ARHGEF18: variants seen among roughly 807,000 people sequenced by gnomAD.
ARHGEF18 encodes Rho/Rac guanine nucleotide exchange factor 18.
Under a neutral mutation model 155.7 loss-of-function variants are expected in ARHGEF18, and 93 were observed. That is an observed-to-expected ratio of 0.60 (90% CI 0.50 to 0.71). ARHGEF18 has a LOEUF of 0.71. Ranked by LOEUF, ARHGEF18 falls within the 30% of genes least tolerant of loss-of-function variation. ARHGEF18 has a pLI of 0.00. For missense variants in ARHGEF18, 1,593 were observed against 1,816.1 expected (o/e 0.88, Z 2.23); for synonymous variants, 742 against 753.1 (o/e 0.99, Z 0.24).
downstream of ARHGEF18, chr19:7,472,898 C>T (rs777464424): frequency 1.6e-5 from 7 of 444,156 alleles, no homozygotes; most frequent in Middle Eastern, 5.9e-4. Flanking sequence ...CATGGGGTTT[C>T]GCCATGTTGG....
downstream of ARHGEF18, chr19:7,477,318 G>C (rs1487210164): frequency 6.4e-7 from 1 of 1,560,616 alleles, no homozygotes; most frequent in African/African-American, 1.4e-5. Context: ...CCGGCCCACA[G>C]CACGCCCCGG....
At chr19:7,414,888 G>A (rs892345244) in intron 10 of ARHGEF18, among the ~76,000 whole-genome samples, 2 of 151,778 alleles carry the variant, frequency 1.3e-5, no homozygotes, top group Non-Finnish European at 2.9e-5. Context: ...CCAGCTACTC[G>A]GGTGGCTGAG....
rs1051010338 is a variant in ARHGEF18 at position 7,353,970 on chromosome 19, AAG to A, written c.-111+4731_-111+4732del. Among the ~76,000 whole-genome samples the A allele has an allele frequency of 4.1e-3, 621 of 149,708 alleles. 25 individuals carry two copies. The East Asian group carries it at 0.1, about 24-fold the overall frequency. On this transcript the variant is annotated intron_variant, in intron 1 of 28. Transcript: ENST00000668164. ...CAAGACTCTGTCTAAAAAAAAAAAA[AAG>A]AAAGAAAGAAAAAGAAAAGAAATAG...
In ARHGEF18 at chr19:7,444,473, A is replaced by G. The variant is rs772983960; in HGVS notation, c.1611+19A>G. ...TCAGCAGGTGGGTGCAGCCGTGTTC[A>G]TCTCAACAGTCTTCAAAGCCTCTGC... On this transcript the variant is annotated intron_variant, in intron 14 of 28. Transcript: ENST00000668164. This position sits in a 1 kb window ranked among gnomAD's most constrained non-coding sequence, Gnocchi z 4.7. The G allele has an allele frequency of 5.0e-6, 8 of 1,609,426 alleles. No individual in the cohort carries two copies. The highest frequency in any genetic ancestry group is 3.3e-4 in the Middle Eastern group (2 of 6,052).
At chr19:7,442,597 G>A (rs1015442592) in intron 13 of ARHGEF18, among the ~76,000 whole-genome samples, 1 of 152,244 alleles carries the variant, frequency 6.6e-6, no homozygotes, top group Non-Finnish European at 1.5e-5. Flanking sequence ...GAAAGAGACT[G>A]TCGGAGAGGA....
chr19:7,458,431 C>T (rs193136009), intron 18 of ARHGEF18, 81 bp from the exon 19 acceptor site: 21 of 1,369,466 alleles, frequency 1.5e-5, no homozygotes, highest in African/African-American at 1.0e-4. Flanking sequence ...TCTTAGTTCC[C>T]CTCACCAGGC....
chr19:7,401,981 A>G (rs565380470), intron 10 of ARHGEF18, among the ~76,000 whole-genome samples: 1 of 152,376 alleles, frequency 6.6e-6, no homozygotes, highest in African/African-American at 2.4e-5. Context: ...CACCTGCTGT[A>G]TGATTCCATT....
At chr19:7,458,403 G>T in intron 18 of ARHGEF18, 109 bp from the exon 19 acceptor site, 3 of 914,880 alleles carry the variant, frequency 3.3e-6, no homozygotes, top group Non-Finnish European at 3.1e-6. Context: ...GAAAAGAAAT[G>T]AGGAGCGTGA....
chr19:7,414,987 T>C (rs926189964), intron 10 of ARHGEF18, among the ~76,000 whole-genome samples: 8 of 151,838 alleles, frequency 5.3e-5, no homozygotes, highest in Non-Finnish European at 1.0e-4. Context: ...AGAGTAAAAT[T>C]CCATCTCAAA....
Position 7,444,446 on chromosome 19 carries a change from G to A in ARHGEF18, c.1603G>A (p.Val535Ile), listed in dbSNP as rs146702874. Reference sequence around the variant, plus strand: ...CATCCAGAAAATCGGCGACCTCCTGGTTCAGCAGGTGGGTGCAGCCGTGTT... The same window carrying A: ...CATCCAGAAAATCGGCGACCTCCTGATTCAGCAGGTGGGTGCAGCCGTGTT... ...YVIQKIGDLL[V>I]QQFSGENGER... The change falls in exon 14 of 29, where the codon GTT becomes ATT. Residue 535 changes from valine (V) to isoleucine (I), a missense_variant. Transcript: ENST00000668164. The surrounding 1 kb of genome is among the most constrained non-coding windows in gnomAD (Gnocchi z 4.7). 455 of 1,613,464 alleles carry A rather than the reference G, an allele frequency of 2.8e-4. 2 individuals are homozygous for A. The East Asian group carries it at 3.6e-3, about 13-fold the overall frequency.
intron 9 of ARHGEF18, 76 bp from the exon 10 acceptor site, chr19:7,382,986 G>C: frequency 2.4e-6 from 3 of 1,232,414 alleles, no homozygotes; most frequent in Non-Finnish European, 3.0e-6. Context: ...GGGGCTGGTG[G>C]TGGGCTGGGT....
chr19:7,468,843 C>A lies in ARHGEF18; in HGVS notation c.3499C>A (p.Pro1167Thr). The A allele has an allele frequency of 6.4e-7, 1 of 1,562,166 alleles. No individual in the cohort carries two copies. The highest frequency in any genetic ancestry group is 8.7e-7 in the Non-Finnish European group (1 of 1,150,064). The change falls in exon 27 of 29, where the codon CCT (proline) becomes ACT (threonine). Residue 1167 changes from proline (P) to threonine (T), a missense_variant. By Grantham distance (38) the Pro-to-Thr change is conservative. Coordinates refer to ENST00000668164, the MANE Select transcript of ARHGEF18 (RefSeq NM_001367823.1). ...CCCTCAGGCCCAGCCCCCAAGCCACCCTCCCAGCTTCAACGGGGAAGGGCT... is the reference window on the plus strand; with the variant it reads ...CCCTCAGGCCCAGCCCCCAAGCCACACTCCCAGCTTCAACGGGGAAGGGCT... ...TLAEAQPPSH[P>T]PSFNGEGLEG... is the part of the protein sequence containing the mutation.
intron 13 of ARHGEF18, 115 bp downstream of exon 13, chr19:7,442,167 TTCCTTATC>T (rs1422944418): frequency 3.0e-5 from 27 of 886,402 alleles, no homozygotes; most frequent in Non-Finnish European, 4.3e-5. Flanking sequence ...CCTTCCTTCC[TTCCTTATC>T]TTTTTCTTTC....
Position 7,459,935 on chromosome 19 carries a change from T to C in ARHGEF18, c.2393T>C (p.Leu798Pro), listed in dbSNP as rs763133998. The C allele has an allele frequency of 1.3e-6, 2 of 1,589,032 alleles. No homozygotes were observed. Among genetic ancestry groups the C allele is most frequent in the South Asian group, 2.3e-5 (2 of 87,084 alleles). ...CPDEEEGPFS[L>P]PEEERKVVEA... is the part of the protein sequence containing the mutation. The stretch of plus-strand genomic sequence containing the variant: ...GACGAGGAGGAGGGGCCCTTCAGCC[T>C]GCCCGAAGAGGAAAGGAAGGTGGTC... The change falls in exon 20 of 29, where the codon CTG becomes CCG. Residue 798 changes from leucine (L) to proline (P), a missense_variant. Coordinates refer to ENST00000668164, the MANE Select transcript of ARHGEF18 (RefSeq NM_001367823.1).
intron 10 of ARHGEF18, among the ~76,000 whole-genome samples, chr19:7,414,994 CAAAA>C (rs1340122706): frequency 9.2e-5 from 14 of 152,066 alleles, no homozygotes; most frequent in Admixed American, 4.6e-4. Context: ...AATTCCATCT[CAAAA>C]TAAATAAGTA....
chr19:7,404,054 C>T (rs978044508), intron 10 of ARHGEF18, among the ~76,000 whole-genome samples: 4 of 149,174 alleles, frequency 2.7e-5, no homozygotes, highest in Non-Finnish European at 5.9e-5. Flanking sequence ...GGCAACAGAG[C>T]GAGACTCCGT....
chr19:7,409,062 T>C (rs555572949), intron 10 of ARHGEF18, among the ~76,000 whole-genome samples: 190 of 146,442 alleles, frequency 1.3e-3, no homozygotes, highest in African/African-American at 4.4e-3. Context: ...TGTTTCTTTT[T>C]TTTTTTTTTT....
At chr19:7,438,080 CT>C (rs1974386212) in intron 10 of ARHGEF18, among the ~76,000 whole-genome samples, 7 of 136,568 alleles carry the variant, frequency 5.1e-5, no homozygotes, top group African/African-American at 1.7e-4. Context: ...CTCCCCTCCC[CT>C]CCCTTCCCCT....
intron 1 of ARHGEF18, among the ~76,000 whole-genome samples, chr19:7,350,128 G>A (rs1403563018): frequency 6.6e-6 from 1 of 152,194 alleles, no homozygotes; most frequent in African/African-American, 2.4e-5. Context: ...CCGCCTGCCT[G>A]GGACTGGGAG....
Sources: gnomAD v4.1 joint callset for allele counts (sites outside exome capture counted in the v4.1 genomes callset) on GRCh38, gnomAD v4.1.1 for gene constraint, Gnocchi (gnomAD v3.1) non-coding constraint, MANE v1.5 for transcripts, NCBI Gene and HGNC (gene_info 2026-07-23, HGNC 2026-07-21) for gene names.